Variants in DGKB observed in about 807,000 individuals in gnomAD.
DGKB encodes the protein diacylglycerol kinase beta, also known as 90 kDa diacylglycerol kinase.
DGKB carries 67 observed loss-of-function variants against 114.3 expected under a neutral mutation model. The observed-to-expected ratio is 0.59, with a 90% CI of 0.48 to 0.72. The LOEUF (loss-of-function observed/expected upper bound fraction) is 0.72. DGKB is among the 30% of genes least tolerant of loss of function. The probability of loss-of-function intolerance (pLI) is 0.00; values close to 1 mark genes in which losing one functional copy is unlikely to be tolerated. For missense variants in DGKB, 907 were observed against 975.2 expected, an observed-to-expected ratio of 0.93 and a Z score of 0.93; for synonymous variants, 398 against 323.1, an observed-to-expected ratio of 1.23 and a Z score of -2.49.
intron 25 of DGKB, among the ~76,000 whole-genome samples, chr7:14,158,105 A>G (rs1294040965): frequency 3.3e-5 from 5 of 152,256 alleles, no homozygotes; most frequent in Non-Finnish European, 7.3e-5. Context: ...CTAAAGTAAT[A>G]TAACAATAGC....
At chr7:14,177,550 G>A (rs1286857457) in intron 24 of DGKB, among the ~76,000 whole-genome samples, 3 of 51,530 alleles carry the variant, frequency 5.8e-5, no homozygotes, top group African/African-American at 2.0e-4. Flanking sequence ...GTGAAACTCC[G>A]TCTCAAAAAA....
At chr7:14,603,855 G>A (rs555696272) in intron 17 of DGKB, among the ~76,000 whole-genome samples, 5 of 152,132 alleles carry the variant, frequency 3.3e-5, no homozygotes, top group Non-Finnish European at 5.9e-5. Flanking sequence ...TAGAAATAAT[G>A]TGAGAATAAA....
chr7:14,652,152 T>G (rs1468805118), intron 13 of DGKB, among the ~76,000 whole-genome samples: 1 of 140,166 alleles, frequency 7.1e-6, no homozygotes, highest in Non-Finnish European at 1.6e-5. Context: ...AAAACTACTT[T>G]AAAGTTCATA....
intron 22 of DGKB, among the ~76,000 whole-genome samples, chr7:14,344,123 C>A (rs1287455220): frequency 6.6e-6 from 1 of 150,520 alleles, no homozygotes; most frequent in Non-Finnish European, 1.5e-5. Flanking sequence ...ATATATCATA[C>A]ATATACACAG....
chr7:14,497,568 T>G (rs1785488852), intron 20 of DGKB, among the ~76,000 whole-genome samples: 1 of 151,846 alleles, frequency 6.6e-6, no homozygotes, highest in South Asian at 2.1e-4. Flanking sequence ...CAGTGTGCTT[T>G]CAGCCAGGCA....
chr7:14,466,199 C>T (rs187051358), intron 21 of DGKB, among the ~76,000 whole-genome samples: 12 of 152,206 alleles, frequency 7.9e-5, no homozygotes, highest in Admixed American at 4.6e-4. Context: ...TACGAACAAG[C>T]GCTCATTGAG....
intron 20 of DGKB, among the ~76,000 whole-genome samples, chr7:14,541,145 A>G (rs1276894404): frequency 6.6e-6 from 1 of 151,770 alleles, no homozygotes; most frequent in Non-Finnish European, 1.5e-5. Context: ...ATGACAAGTG[A>G]TGCCATGTCC....
At chr7:14,858,751 T>C (rs1006960030) in intron 1 of DGKB, among the ~76,000 whole-genome samples, 5 of 152,106 alleles carry the variant, frequency 3.3e-5, no homozygotes, top group East Asian at 3.9e-4. Context: ...CTTTAGGTAA[T>C]TGACCAAAAT....
chr7:14,554,046 T>C (rs1159731117), intron 20 of DGKB, among the ~76,000 whole-genome samples: 1 of 151,884 alleles, frequency 6.6e-6, no homozygotes, highest in African/African-American at 2.4e-5. Context: ...CTAATTTTTG[T>C]ATTTTTTAGT....
intron 13 of DGKB, among the ~76,000 whole-genome samples, chr7:14,633,678 G>T (rs557470124): frequency 6.6e-6 from 1 of 151,792 alleles, no homozygotes; most frequent in South Asian, 2.1e-4. Context: ...ATGAGTGCAT[G>T]ATTCTAAATG....
At chr7:14,598,687 C>T (rs367569009) in intron 17 of DGKB, among the ~76,000 whole-genome samples, 1 of 152,048 alleles carries the variant, frequency 6.6e-6, no homozygotes, top group African/African-American at 2.4e-5. Flanking sequence ...TTTAAGCTAT[C>T]TTTTGCTGAA....
intron 19 of DGKB, among the ~76,000 whole-genome samples, chr7:14,575,765 T>A (rs1257514315): frequency 6.6e-6 from 1 of 152,184 alleles, no homozygotes; most frequent in Non-Finnish European, 1.5e-5. Flanking sequence ...TTTCAGTTTT[T>A]ATTTTTTTCT....
chr7:14,969,643 T>A (rs570813562), intron 1 of DGKB, among the ~76,000 whole-genome samples: 15 of 152,246 alleles, frequency 9.9e-5, no homozygotes, highest in African/African-American at 3.6e-4. Flanking sequence ...TGTGTGCTCG[T>A]TATGAGAGTC....
At chr7:14,582,743 C>G (rs916762564) in intron 18 of DGKB, among the ~76,000 whole-genome samples, 42 of 152,264 alleles carry the variant, frequency 2.8e-4, no homozygotes, top group African/African-American at 9.6e-4. Context: ...ACTAAGACTG[C>G]TCCTTCAGTT....
intron 5 of DGKB, among the ~76,000 whole-genome samples, chr7:14,728,702 CTTTT>C (rs35568497): frequency 2.0e-4 from 28 of 140,292 alleles, no homozygotes; most frequent in Non-Finnish European, 3.5e-4. Context: ...TTCCAGCCTC[CTTTT>C]TTTTTTTTTT....
intron 23 of DGKB, among the ~76,000 whole-genome samples, chr7:14,313,571 C>T (rs558171671): frequency 2.6e-5 from 4 of 152,130 alleles, no homozygotes; most frequent in Non-Finnish European, 5.9e-5. Context: ...TGCGCTTTTC[C>T]GACGGGCTTA....
chr7:14,268,909 A>G (rs1437247945), intron 23 of DGKB: 1 of 152,184 alleles, frequency 6.6e-6, no homozygotes, highest in Non-Finnish European at 1.5e-5. Context: ...CTTTTTGTTT[A>G]GCAGCTCAAA....
At chr7:14,829,856 T>C (rs1846179772) in intron 2 of DGKB, among the ~76,000 whole-genome samples, 1 of 152,038 alleles carries the variant, frequency 6.6e-6, no homozygotes, top group Admixed American at 6.6e-5. Context: ...GCCTCATAAG[T>C]GGCTTGTGGC....
chr7:14,936,653 A>T (rs1298563742), intron 1 of DGKB, among the ~76,000 whole-genome samples: 1 of 152,142 alleles, frequency 6.6e-6, no homozygotes, highest in East Asian at 1.9e-4. Flanking sequence ...AACACAGGGC[A>T]GGCCTGTTTG....
Sources: allele counts gnomAD v4.1 joint callset (sites outside exome capture counted in the v4.1 genomes callset), GRCh38; gene constraint gnomAD v4.1.1; transcripts MANE v1.5; gene names NCBI Gene and HGNC (gene_info 2026-07-23, HGNC 2026-07-21).